The following CERS4 variants were observed in gnomAD, a reference collection of about 807,000 sequenced individuals.
The protein encoded by CERS4 is ceramide synthase 4, also known as LAG1 homolog, ceramide synthase 4.
In CERS4, 65 loss-of-function variants were observed where a neutral mutation model predicts 51.8. The ratio of observed to expected loss-of-function variants is 1.26; its 90% CI spans 1.03 to 1.54. CERS4 has a LOEUF of 1.54. CERS4 is among the 40% of genes most tolerant of loss of function. The pLI is 0.00. For synonymous variants in CERS4, 228 were observed against 208.4 expected, an observed-to-expected ratio of 1.09 and a Z score of -0.81; for missense variants, 563 against 500.4, an observed-to-expected ratio of 1.13 and a Z score of -1.19.
At chr19:8,225,347 G>C (rs1967740130) in intron 2 of CERS4, among the ~76,000 whole-genome samples, 2 of 151,962 alleles carry the variant, frequency 1.3e-5, no homozygotes, top group Non-Finnish European at 2.9e-5. Flanking sequence ...TGGAGTAGTA[G>C]GGTGGGGACA....
intron 7 of CERS4, 120 bp downstream of exon 7, chr19:8,256,406 C>A: frequency 8.3e-7 from 1 of 1,199,198 alleles, no homozygotes; most frequent in Non-Finnish European, 1.2e-6. Context: ...GAGTCCCACG[C>A]TCTTTGATTC....
At chr19:8,245,123 A>ACAAACAAAAACAAAAAAAC (rs370968490) in intron 2 of CERS4, among the ~76,000 whole-genome samples, 1 of 58,298 alleles carries the variant, frequency 1.7e-5, no homozygotes, top group Non-Finnish European at 3.7e-5. Flanking sequence ...AAAAAAAAAA[A>ACAAACAAAAACAAAAAAAC]AAAAAAAAAA....
Position 8,249,735 on chromosome 19 carries a change from C to T in CERS4, c.-1-1341C>T, listed in dbSNP as rs146085911. ...CCTCCCGAGTAGCTGGGATTACAGG[C>T]GCACACCACCATGCCTGGCTAATTT... On this transcript the variant is annotated intron_variant, in intron 2 of 11. Transcript: ENST00000251363. Among the ~76,000 whole-genome samples the T allele has an allele frequency of 9.5e-3, 1,433 of 150,952 alleles. 30 individuals carry two copies. The highest frequency in any genetic ancestry group is 0.034 in the African/African-American group (1,385 of 41,108).
chr19:8,224,588 T>C lies in CERS4; in HGVS notation c.-2+13726T>C, dbSNP rs183486978. Reference sequence around the variant, plus strand: ...ATTTGGCAGGCTGAAGGGAGGGCATTACTGGTAGGGAATGGCATGTGCCAA... The same window carrying C: ...ATTTGGCAGGCTGAAGGGAGGGCATCACTGGTAGGGAATGGCATGTGCCAA... On this transcript the variant is annotated intron_variant, in intron 2 of 11. Coordinates refer to ENST00000251363, the MANE Select transcript of CERS4 (RefSeq NM_024552.3). Among the ~76,000 whole-genome samples, 52 of 152,198 alleles carry C rather than the reference T, an allele frequency of 3.4e-4. 1 individual carries two copies. The highest frequency in any genetic ancestry group is 2.7e-3 in the Admixed American group (41 of 15,254).
intron 2 of CERS4, among the ~76,000 whole-genome samples, chr19:8,245,851 T>G (rs1182632973): frequency 1.4e-5 from 2 of 142,980 alleles, no homozygotes; most frequent in Non-Finnish European, 3.0e-5. Context: ...ATTTTTATTT[T>G]GTAACATGGC....
In CERS4 at chr19:8,233,072, G is replaced by T. The variant is rs373739938; in HGVS notation, c.-1-18004G>T. 6.6e-4 allele frequency among the ~76,000 whole-genome samples: 100 copies of T among 151,576 alleles called. 3 individuals carry two copies. In the South Asian group the frequency reaches 0.02, roughly 30 times the overall value. ...TTATTTTATTTTTTTTAAGAGATGAGGGTCTCTCTATGTTGTCCAGCCTGG... is the reference window on the plus strand; with the variant it reads ...TTATTTTATTTTTTTTAAGAGATGATGGTCTCTCTATGTTGTCCAGCCTGG... On this transcript the variant is annotated intron_variant, in intron 2 of 11. Transcript: ENST00000251363.
At chr19:8,254,777 G>A (rs866219804) in intron 4 of CERS4, among the ~76,000 whole-genome samples, 161 bp downstream of exon 4, 12 of 152,152 alleles carry the variant, frequency 7.9e-5, no homozygotes, top group Middle Eastern at 3.4e-3. Flanking sequence ...CCTGGGAAAG[G>A]GCTCTACCCC....
At chr19:8,261,498 G>A in intron 10 of CERS4, 190 bp from the exon 11 acceptor site, 1 of 623,074 alleles carries the variant, frequency 1.6e-6, no homozygotes, top group Non-Finnish European at 2.8e-6. Flanking sequence ...TGTGTGTTCT[G>A]CTCATTTAGT....
chr19:8,245,210 T>G (rs1184352817), intron 2 of CERS4, among the ~76,000 whole-genome samples: 1 of 150,620 alleles, frequency 6.6e-6, no homozygotes, highest in Non-Finnish European at 1.5e-5. Context: ...CCACTGCACC[T>G]GGGTCTATTT....
chr19:8,219,326 C>T (rs528977293), intron 2 of CERS4, among the ~76,000 whole-genome samples: 5 of 152,312 alleles, frequency 3.3e-5, no homozygotes, highest in African/African-American at 1.2e-4. Context: ...CTGCCCCCAG[C>T]TCCTCTGAGA....
intron 2 of CERS4, among the ~76,000 whole-genome samples, chr19:8,240,732 A>G (rs1968501513): frequency 6.6e-6 from 1 of 152,084 alleles, no homozygotes; most frequent in Non-Finnish European, 1.5e-5. Flanking sequence ...ACCTATGTGC[A>G]TAGCTCTGAT....
chr19:8,245,879 C>T (rs962715063), intron 2 of CERS4, among the ~76,000 whole-genome samples: 1 of 107,742 alleles, frequency 9.3e-6, no homozygotes, highest in Non-Finnish European at 1.8e-5. Flanking sequence ...TCATGAAGAA[C>T]TGACAAAACT....
intron 2 of CERS4, among the ~76,000 whole-genome samples, chr19:8,230,590 ATGTTT>A (rs1482513810): frequency 3.9e-5 from 6 of 152,198 alleles, no homozygotes; most frequent in Non-Finnish European, 8.8e-5. Context: ...CATTTTAAAC[ATGTTT>A]AAGTGTGCAA....
At chr19:8,226,503 AG>A (rs1967793882) in intron 2 of CERS4, among the ~76,000 whole-genome samples, 1 of 152,142 alleles carries the variant, frequency 6.6e-6, no homozygotes, top group African/African-American at 2.4e-5. Flanking sequence ...CAGATGTTAG[AG>A]CAGGTTGAGT....
At chr19:8,251,497 G>C (rs1201412510) in intron 3 of CERS4, among the ~76,000 whole-genome samples, 1 of 152,170 alleles carries the variant, frequency 6.6e-6, no homozygotes, top group Admixed American at 6.5e-5. Context: ...CTGCAGCTGG[G>C]TATGCCAGCA....
intron 1 of CERS4, chr19:8,209,791 G>A (rs1288358902): frequency 6.6e-6 from 1 of 152,334 alleles, no homozygotes; most frequent in African/African-American, 2.4e-5. Context: ...GAATCCGGAT[G>A]TGTGAGCCGG....
intron 8 of CERS4, 65 bp from the exon 9 acceptor site, chr19:8,256,884 C>T: frequency 1.2e-6 from 2 of 1,611,026 alleles, no homozygotes; most frequent in East Asian, 4.5e-5. Flanking sequence ...CACTTCTTGG[C>T]CCATAGGGTG....
Position 8,262,411 on chromosome 19 carries a change from A to G in CERS4, c.*302A>G, listed in dbSNP as rs1311900366. 3.2e-6 allele frequency: 1 copy of G among 316,766 alleles called. No homozygotes were observed. Among genetic ancestry groups the G allele is most frequent in the African/African-American group, 2.1e-5 (1 of 46,944 alleles). 19.6% of individuals were successfully genotyped at this position (316,766 alleles called of 1,614,324 possible). ...GCTGAAAAGGGTCCAATTAAAACAAATGGAGCCAAATTTTCTGCCTGAGAA... is the reference window on the plus strand; with the variant it reads ...GCTGAAAAGGGTCCAATTAAAACAAGTGGAGCCAAATTTTCTGCCTGAGAA... On this transcript the variant is annotated 3_prime_UTR_variant, in exon 12 of 12. Coordinates refer to ENST00000251363, the MANE Select transcript of CERS4 (RefSeq NM_024552.3).
At chr19:8,249,017 ATGGG>A (rs1315030408) in intron 2 of CERS4, among the ~76,000 whole-genome samples, 16 of 142,526 alleles carry the variant, frequency 1.1e-4, no homozygotes, top group East Asian at 2.0e-4. Context: ...AGATGTTTGG[ATGGG>A]TGGATGGATG....
Sources: allele counts gnomAD v4.1 joint callset (sites outside exome capture counted in the v4.1 genomes callset), GRCh38; gene constraint gnomAD v4.1.1; transcripts MANE v1.5; gene names NCBI Gene and HGNC (gene_info 2026-07-23, HGNC 2026-07-21).